ERC2: variants seen among roughly 807,000 people sequenced by gnomAD.
ERC2 encodes ERC protein 2.
A neutral mutation model predicts 114.8 loss-of-function variants in ERC2; 42 were observed. That is an observed-to-expected ratio of 0.37 (90% CI 0.29 to 0.47). The LOEUF is 0.47. Ranked by LOEUF, ERC2 falls within the 20% of genes least tolerant of loss-of-function variation. The pLI is 0.99. For synonymous variants in ERC2, 454 were observed against 425.5 expected, an observed-to-expected ratio of 1.07 and a Z score of -0.82; for missense variants, 939 against 1,150.7, an observed-to-expected ratio of 0.82 and a Z score of 2.66.
chr3:56,301,473 G>T (rs2150369851), intron 2 of ERC2, among the ~76,000 whole-genome samples: 1 of 152,270 alleles, frequency 6.6e-6, no homozygotes, highest in East Asian at 1.9e-4. Context: ...GAGGGGATGT[G>T]AAGTAATCTT....
chr3:55,528,915 C>T lies in ERC2; in HGVS notation c.*40-17639G>A, dbSNP rs181535323. Among the ~76,000 whole-genome samples, 396 of 152,256 alleles carry T rather than the reference C, an allele frequency of 2.6e-3. 3 individuals carry two copies. The highest frequency in any genetic ancestry group is 0.01 in the Middle Eastern group (3 of 294). ...AGGGATATGGGGATGGGGTTGCTCC[C>T]GGTTGAGAACTGCTGACTTAGATCT... On this transcript the variant is annotated intron_variant, in intron 17 of 17. Coordinates refer to ENST00000288221, the MANE Select transcript of ERC2 (RefSeq NM_015576.3).
intron 3 of ERC2, among the ~76,000 whole-genome samples, chr3:56,271,834 T>C (rs1331041715): frequency 6.6e-6 from 1 of 152,126 alleles, no homozygotes; most frequent in Non-Finnish European, 1.5e-5. Context: ...GTGTTATAAG[T>C]GAGAACATGC....
chr3:55,673,461 T>C (rs968178166), intron 17 of ERC2, among the ~76,000 whole-genome samples: 10 of 152,192 alleles, frequency 6.6e-5, no homozygotes, highest in African/African-American at 2.4e-4. Context: ...CGCACGCCTG[T>C]ACTCCCAGCT....
chr3:55,995,520 A>G (rs2071437279), intron 10 of ERC2, among the ~76,000 whole-genome samples: 1 of 152,172 alleles, frequency 6.6e-6, no homozygotes, highest in South Asian at 2.1e-4. Context: ...ATGTTTTTAA[A>G]TCAACAGAAA....
chr3:56,119,295 G>C (rs759084194), intron 6 of ERC2, among the ~76,000 whole-genome samples: 2 of 152,180 alleles, frequency 1.3e-5, no homozygotes, highest in African/African-American at 4.8e-5. Flanking sequence ...AGAAGCAACA[G>C]CACTTTTGCA....
chr3:55,674,836 C>CCCTTT lies in ERC2; in HGVS notation c.*39+8957_*39+8958insAAAGG, dbSNP rs1217503394. 2.6e-5 allele frequency among the ~76,000 whole-genome samples: 4 copies of CCCTTT among 152,274 alleles called. No individual in the cohort carries two copies. The South Asian group carries it at 8.3e-4, about 32-fold the overall frequency. ...CTGGCAGATTTTAAAGCTACCCTTGCCCTTCAACCACCCACACAAACCTAA... is the reference window on the plus strand; with the variant it reads ...CTGGCAGATTTTAAAGCTACCCTTGCCCTTTCCTTCAACCACCCACACAAACCTAA... On this transcript the variant is annotated intron_variant, in intron 17 of 17. Coordinates refer to ENST00000288221, the MANE Select transcript of ERC2 (RefSeq NM_015576.3).
chr3:56,255,121 G>T (rs2052429142), intron 3 of ERC2, among the ~76,000 whole-genome samples: 1 of 152,198 alleles, frequency 6.6e-6, no homozygotes, highest in Non-Finnish European at 1.5e-5. Context: ...GTTATCATTT[G>T]TTCACACCTG....
chr3:56,354,952 G>A (rs1329106700), intron 2 of ERC2, among the ~76,000 whole-genome samples: 1 of 152,158 alleles, frequency 6.6e-6, no homozygotes, highest in African/African-American at 2.4e-5. Flanking sequence ...AGAAAAATCA[G>A]ATAAATGAAA....
At chr3:55,944,456 C>T (rs2067004752) in intron 13 of ERC2, among the ~76,000 whole-genome samples, 1 of 152,110 alleles carries the variant, frequency 6.6e-6, no homozygotes, top group Admixed American at 6.5e-5. Flanking sequence ...CAGAAATCCA[C>T]AGGAAAAAGC....
rs1479664142 is a variant in ERC2, at chr3:56,426,465, A to T, written c.657+7886T>A. Among the ~76,000 whole-genome samples, 3 of 152,228 alleles carry T rather than the reference A, an allele frequency of 2.0e-5. No homozygotes were observed. In the East Asian group the frequency reaches 5.8e-4, roughly 29 times the overall value. ...GTAACAGATGGGACTGTTGTTAAAC[A>T]TATGTATGTATATTCATTCCACTCC... is the stretch of plus-strand genomic sequence containing the variant. On this transcript the variant is annotated intron_variant, in intron 2 of 17. Coordinates refer to ENST00000288221, the MANE Select transcript of ERC2 (RefSeq NM_015576.3).
intron 4 of ERC2, among the ~76,000 whole-genome samples, chr3:56,153,179 A>T (rs1332387160): frequency 1.3e-5 from 2 of 152,174 alleles, no homozygotes; most frequent in Non-Finnish European, 2.9e-5. Context: ...CAACAAATAC[A>T]TAGGGCACCT....
intron 4 of ERC2, among the ~76,000 whole-genome samples, chr3:56,165,359 G>A (rs1162448720): frequency 6.6e-6 from 1 of 151,654 alleles, no homozygotes; most frequent in Admixed American, 6.6e-5. Context: ...TAGGGTACAT[G>A]TGCACAGTGT....
At chr3:56,089,774 G>A (rs769380572) in intron 6 of ERC2, among the ~76,000 whole-genome samples, 9 of 152,136 alleles carry the variant, frequency 5.9e-5, no homozygotes, top group Non-Finnish European at 1.2e-4. Context: ...GCATATTGAT[G>A]ATTCAGGGAG....
chr3:55,958,619 C>A (rs1049595193), intron 12 of ERC2, among the ~76,000 whole-genome samples: 8 of 152,218 alleles, frequency 5.3e-5, no homozygotes, highest in African/African-American at 1.9e-4. Flanking sequence ...GCCAAGCCAT[C>A]CTCAGCACCC....
chr3:55,971,726 T>C (rs2069171351), intron 12 of ERC2, among the ~76,000 whole-genome samples: 1 of 152,184 alleles, frequency 6.6e-6, no homozygotes. Flanking sequence ...AATTTTCAAA[T>C]GTCTGTTGAA....
At chr3:56,437,220 G>A (rs1194286300) in intron 1 of ERC2, among the ~76,000 whole-genome samples, 1 of 152,200 alleles carries the variant, frequency 6.6e-6, no homozygotes, top group Non-Finnish European at 1.5e-5. Flanking sequence ...GATGCAAGAT[G>A]AGAAATATAA....
chr3:55,718,640 A>C (rs2148877877), intron 15 of ERC2, among the ~76,000 whole-genome samples: 1 of 152,296 alleles, frequency 6.6e-6, no homozygotes, highest in East Asian at 1.9e-4. Flanking sequence ...ACTGTGGAGG[A>C]AGTAAGGACC....
chr3:55,572,357 G>A (rs2056760094), intron 17 of ERC2, among the ~76,000 whole-genome samples: 1 of 152,140 alleles, frequency 6.6e-6, no homozygotes. Flanking sequence ...GAATTTGATG[G>A]CAGAGGGAAC....
chr3:56,266,217 G>A (rs565491522), intron 3 of ERC2, among the ~76,000 whole-genome samples: 212 of 139,402 alleles, frequency 1.5e-3, no homozygotes, highest in Non-Finnish European at 1.8e-3. Context: ...TGCAAGCTCC[G>A]CCTCCCAAGT....
Sources: allele counts gnomAD v4.1 joint callset (sites outside exome capture counted in the v4.1 genomes callset), GRCh38; gene constraint gnomAD v4.1.1; transcripts MANE v1.5; gene names NCBI Gene and HGNC (gene_info 2026-07-23, HGNC 2026-07-21).